CSMD1: variants seen among roughly 807,000 people sequenced by gnomAD.
CSMD1 encodes the protein CUB and Sushi multiple domains 1, also known as CUB and sushi domain-containing protein 1.
A neutral mutation model predicts 417.5 loss-of-function variants in CSMD1; 213 were observed. That is an observed-to-expected ratio of 0.51 (90% CI 0.46 to 0.57). The LOEUF (loss-of-function observed/expected upper bound fraction) is 0.57. Ranked by LOEUF, CSMD1 falls within the 20% of genes least tolerant of loss-of-function variation. The probability of loss-of-function intolerance (pLI) is 0.00; values close to 1 mark genes in which losing one functional copy is unlikely to be tolerated. For missense variants in CSMD1, 6,923 were observed against 4,529.7 expected (o/e 1.53, Z -15.17); for synonymous variants, 2,862 against 1,736.8 (o/e 1.65, Z -16.11).
At position 4,478,001 on chromosome 8, in the gene CSMD1, C is replaced by T. The variant is rs191197778; in HGVS notation, c.303-57936G>A. Among the ~76,000 whole-genome samples the T allele has an allele frequency of 2.2e-4, 34 of 152,246 alleles. 1 individual carries two copies. The East Asian group carries it at 5.6e-3, about 25-fold the overall frequency. On this transcript the variant is annotated intron_variant, in intron 2 of 69. Coordinates refer to ENST00000635120, the MANE Select transcript of CSMD1 (RefSeq NM_033225.6). ...ATCCATGCAGAAAACTGTTAAGTAC[C>T]GGGAACTCAGTGAATTCTACTACCA...
At chr8:4,582,035 G>A (rs936781631) in intron 2 of CSMD1, among the ~76,000 whole-genome samples, 1 of 152,070 alleles carries the variant, frequency 6.6e-6, no homozygotes, top group Non-Finnish European at 1.5e-5. Context: ...GCATCGCAGA[G>A]AGAGAAGCAG....
rs549511320 is a variant in CSMD1 at position 4,645,444 on chromosome 8, CAAAAAAAAA to C, written c.86-7895_86-7887del. 7.3e-4 allele frequency among the ~76,000 whole-genome samples: 27 copies of C among 36,852 alleles called. No homozygotes were observed. The Admixed American group carries it at 0.012, about 16-fold the overall frequency. The allele number at this position is 36,852 out of a possible 152,430, so 24.2% of individuals were successfully genotyped here. A position where few individuals can be genotyped will look rare whatever the true frequency, so the allele number is the denominator to read the frequency against. ...CAAGACAGCAGGTGTAGTGCAGGGG[CAAAAAAAAA>C]AAAAAAAAAAAAAAGGCAAGCAAAG... is the stretch of plus-strand genomic sequence containing the variant. On this transcript the variant is annotated intron_variant, in intron 1 of 69. Transcript: ENST00000635120.
chr8:3,215,758 C>A (rs960143084), intron 29 of CSMD1, among the ~76,000 whole-genome samples: 1 of 152,020 alleles, frequency 6.6e-6, no homozygotes, highest in Non-Finnish European at 1.5e-5. Context: ...CTGCAGTCTA[C>A]CACCCTGCTA....
At chr8:4,136,657 C>T (rs970318362) in intron 3 of CSMD1, among the ~76,000 whole-genome samples, 18 of 152,100 alleles carry the variant, frequency 1.2e-4, no homozygotes, top group Non-Finnish European at 2.5e-4. Flanking sequence ...TTCCTTTTTT[C>T]CTCTTATTGT....
intron 1 of CSMD1, among the ~76,000 whole-genome samples, chr8:4,966,387 A>C (rs974633361): frequency 5.3e-5 from 8 of 152,004 alleles, no homozygotes; most frequent in African/African-American, 1.7e-4. Context: ...CTCAAACAAA[A>C]AACAACAACA....
In CSMD1 at chr8:4,333,999, T is replaced by TC. The variant is rs925629254; in HGVS notation, c.415+85953dup. ...CTTAATGTTCTGCCTCAAGCCATCC[T>TC]CCCGCCTCAGACTCCTGAGTACCTG... On this transcript the variant is annotated intron_variant, in intron 3 of 69. Transcript: ENST00000635120. Among the ~76,000 whole-genome samples, 31 of 152,108 alleles carry TC rather than the reference T, an allele frequency of 2.0e-4. 1 individual carries two copies. The highest frequency in any genetic ancestry group is 2.0e-3 in the Admixed American group (31 of 15,268).
At chr8:4,099,673 A>T (rs1435783895) in intron 3 of CSMD1, among the ~76,000 whole-genome samples, 3 of 152,118 alleles carry the variant, frequency 2.0e-5, no homozygotes, top group Non-Finnish European at 4.4e-5. Flanking sequence ...TGCTTATTTA[A>T]ATACAAACAA....
intron 3 of CSMD1, among the ~76,000 whole-genome samples, chr8:4,187,707 T>C (rs542730093): frequency 7.6e-4 from 108 of 142,048 alleles, no homozygotes; most frequent in African/African-American, 2.5e-3. Flanking sequence ...ATTCAGGAAG[T>C]TTATTCTAGT....
At chr8:4,845,415 A>G (rs1801084355) in intron 1 of CSMD1, among the ~76,000 whole-genome samples, 1 of 152,214 alleles carries the variant, frequency 6.6e-6, no homozygotes, top group Non-Finnish European at 1.5e-5. Flanking sequence ...CATTGCTCTC[A>G]TTGAGAACTT....
intron 46 of CSMD1, among the ~76,000 whole-genome samples, chr8:3,101,304 C>T (rs1048914365): frequency 1.3e-5 from 2 of 152,210 alleles, no homozygotes; most frequent in African/African-American, 4.8e-5. Flanking sequence ...TATTAATTCT[C>T]TTCACTTTTT....
intron 5 of CSMD1, among the ~76,000 whole-genome samples, chr8:3,929,423 A>G (rs1280620727): frequency 6.6e-6 from 1 of 150,378 alleles, no homozygotes; most frequent in East Asian, 1.9e-4. Flanking sequence ...CCTTCCCCAC[A>G]TGAGAAGTGG....
intron 4 of CSMD1, among the ~76,000 whole-genome samples, chr8:4,031,204 C>A (rs1350366249): frequency 2.0e-5 from 3 of 152,304 alleles, no homozygotes; most frequent in Middle Eastern, 3.4e-3. Flanking sequence ...TACCCCACTC[C>A]TGGTACCAAT....
At chr8:3,830,749 C>G (rs1421614228) in intron 5 of CSMD1, among the ~76,000 whole-genome samples, 1 of 152,024 alleles carries the variant, frequency 6.6e-6, no homozygotes, top group Non-Finnish European at 1.5e-5. Flanking sequence ...AATAATTATT[C>G]AAAAGAACTT....
At chr8:3,664,701 C>G (rs1054614900) in intron 7 of CSMD1, among the ~76,000 whole-genome samples, 5 of 152,304 alleles carry the variant, frequency 3.3e-5, no homozygotes, top group South Asian at 4.1e-4. Flanking sequence ...GCTGGCCCAT[C>G]ATCTTATCGG....
intron 23 of CSMD1, among the ~76,000 whole-genome samples, chr8:3,336,758 C>T (rs1044366297): frequency 1.3e-5 from 2 of 152,162 alleles, no homozygotes; most frequent in Admixed American, 6.5e-5. Context: ...CAGAGTCCCG[C>T]CCCCAGCTGC....
intron 41 of CSMD1, chr8:3,129,008 C>T (rs138424458): frequency 4.6e-4 from 163 of 351,560 alleles, no homozygotes; most frequent in African/African-American, 3.1e-3. Context: ...GCAAATAAAA[C>T]ACTTGCTTAG....
chr8:3,640,589 C>G (rs1797258164), intron 7 of CSMD1, among the ~76,000 whole-genome samples: 1 of 152,204 alleles, frequency 6.6e-6, no homozygotes, highest in Non-Finnish European at 1.5e-5. Context: ...TTTCTCTGAA[C>G]CACTACAAAA....
chr8:4,084,395 A>G (rs1177985080), intron 3 of CSMD1, among the ~76,000 whole-genome samples: 1 of 152,152 alleles, frequency 6.6e-6, no homozygotes, highest in Non-Finnish European at 1.5e-5. Context: ...ATGCGATTTA[A>G]ATTTTTTAAA....
Position 3,478,232 on chromosome 8 carries a change from T to C in CSMD1, c.1449-9408A>G, listed in dbSNP as rs1817538702. ...ATCGCTATTTTAAATTCACTAAACA[T>C]TATCTGAATTATAAATTGTTCACGT... On this transcript the variant is annotated intron_variant, in intron 11 of 69. Transcript: ENST00000635120. Among the ~76,000 whole-genome samples the C allele has an allele frequency of 1.3e-5, 2 of 152,194 alleles. 1 individual carries two copies. Among genetic ancestry groups the C allele is most frequent in the South Asian group, 4.1e-4 (2 of 4,834 alleles).
Sources: allele counts gnomAD v4.1 joint callset (sites outside exome capture counted in the v4.1 genomes callset), GRCh38; gene constraint gnomAD v4.1.1; transcripts MANE v1.5; gene names NCBI Gene and HGNC (gene_info 2026-07-23, HGNC 2026-07-21).